Variants in DNAAF19 observed in about 807,000 individuals in gnomAD.
The protein encoded by DNAAF19 is dynein axonemal assembly factor 19, also known as coiled-coil domain containing 103.
At chr17:44,905,253 G>T in the DNAAF19 span, 7 of 603,464 alleles carry the variant, frequency 1.2e-5, no homozygotes, top group East Asian at 2.0e-4. Context: ...GGAGGGGCCT[G>T]AGGCTGGTGG....
At chr17:44,904,083 G>A in the DNAAF19 span, 13 of 1,550,514 alleles carry the variant, frequency 8.4e-6, no homozygotes, top group South Asian at 4.8e-5. Context: ...TTTGATGGGC[G>A]GGTGCTGACG....
the DNAAF19 span, chr17:44,901,701 GC>G: frequency 6.3e-7 from 1 of 1,585,358 alleles, no homozygotes; most frequent in South Asian, 1.1e-5. Context: ...CTGCCCTAAA[GC>G]TTCAATCCTG....
chr17:44,901,118 G>A, the DNAAF19 span: 1 of 1,608,160 alleles, frequency 6.2e-7, no homozygotes, highest in Non-Finnish European at 8.5e-7. Flanking sequence ...TGGAACAGAG[G>A]GTGGCTTCCT....
chr17:44,902,080 C>A, the DNAAF19 span, among the ~76,000 whole-genome samples: 1 of 152,218 alleles, frequency 6.6e-6, no homozygotes, highest in African/African-American at 2.4e-5. Flanking sequence ...TTACAGTAAA[C>A]CCTGACTTAC....
the DNAAF19 span, chr17:44,901,146 G>A: frequency 1.2e-6 from 2 of 1,600,708 alleles, no homozygotes; most frequent in East Asian, 2.3e-5. Context: ...GTTCAGGTTG[G>A]CTCACTGCCA....
At chr17:44,902,271 A>T in the DNAAF19 span, 1 of 1,508,438 alleles carries the variant, frequency 6.6e-7, no homozygotes, top group African/African-American at 1.4e-5. Context: ...TGAGATGAAG[A>T]CAGTAAGATG....
the DNAAF19 span, chr17:44,902,279 A>T: frequency 6.5e-7 from 1 of 1,537,108 alleles, no homozygotes; most frequent in Admixed American, 1.7e-5. Flanking sequence ...AGACAGTAAG[A>T]TGAAGAGCTA....
the DNAAF19 span, chr17:44,901,269 T>C: frequency 8.5e-7 from 1 of 1,169,654 alleles, no homozygotes; most frequent in Non-Finnish European, 1.2e-6. Flanking sequence ...TGCAATTTCC[T>C]TAACTTCTCT....
At chr17:44,901,370 G>A in the DNAAF19 span, 1 of 1,032,946 alleles carries the variant, frequency 9.7e-7, no homozygotes, top group Non-Finnish European at 1.4e-6. Context: ...CACATGTGAG[G>A]TGCTTGAAAG....
chr17:44,902,360 T>C, the DNAAF19 span: 1 of 1,614,164 alleles, frequency 6.2e-7, no homozygotes. Flanking sequence ...TCCTTTGTGG[T>C]CCAGGAGAAA....
At chr17:44,900,889 A>G in the DNAAF19 span, 4 of 1,137,530 alleles carry the variant, frequency 3.5e-6, no homozygotes, top group South Asian at 3.4e-5. Flanking sequence ...TGATGTCCAG[A>G]GTGCTTTGGG....
At chr17:44,901,608 A>AGGAGAT in the DNAAF19 span, 1 of 1,614,124 alleles carries the variant, frequency 6.2e-7, no homozygotes. Flanking sequence ...CTGTCACACT[A>AGGAGAT]TTCAGGGAAG....
At chr17:44,904,565 A>T in the DNAAF19 span, 1 of 1,550,480 alleles carries the variant, frequency 6.4e-7, no homozygotes, top group Non-Finnish European at 8.7e-7. Context: ...CTGTGAGAAG[A>T]CAAAGACCAT....
the DNAAF19 span, chr17:44,904,978 A>AGGCT: frequency 6.4e-7 from 1 of 1,550,764 alleles, no homozygotes; most frequent in Middle Eastern, 1.7e-4. Context: ...TCACCCTGAT[A>AGGCT]GGCTACCTGC....
the DNAAF19 span, among the ~76,000 whole-genome samples, chr17:44,900,451 G>T: frequency 2.6e-5 from 4 of 151,978 alleles, no homozygotes; most frequent in African/African-American, 9.7e-5. Context: ...GGGTCATTGA[G>T]CTCCTTCCTT....
At chr17:44,900,279 G>A in the DNAAF19 span, among the ~76,000 whole-genome samples, 2 of 49,822 alleles carry the variant, frequency 4.0e-5, no homozygotes, top group African/African-American at 7.3e-5. Context: ...CTGGGCAACA[G>A]AGCCAGAAAA....
chr17:44,901,907 C>G, the DNAAF19 span, among the ~76,000 whole-genome samples: 2 of 152,060 alleles, frequency 1.3e-5, no homozygotes, highest in Non-Finnish European at 2.9e-5. Flanking sequence ...TCCCTTAGTC[C>G]TTTGACTTTC....
chr17:44,902,918 GT>G, the DNAAF19 span: 1 of 1,434,922 alleles, frequency 7.0e-7, no homozygotes, highest in East Asian at 2.5e-5. Context: ...CCCACACCTG[GT>G]TCCCTTCTCA....
chr17:44,901,635 G>A, the DNAAF19 span: 7 of 1,614,154 alleles, frequency 4.3e-6, no homozygotes, highest in Non-Finnish European at 5.9e-6. Flanking sequence ...CCAGGATGTG[G>A]CCACTGAAAT....
Sources: gnomAD v4.1 joint callset for allele counts (sites outside exome capture counted in the v4.1 genomes callset) on GRCh38, gnomAD v4.1.1 for gene constraint, MANE v1.5 for transcripts, NCBI Gene and HGNC (gene_info 2026-07-23, HGNC 2026-07-21) for gene names.